Variants in SLC25A26 observed in about 807,000 individuals in gnomAD.
SLC25A26 encodes the protein solute carrier family 25 member 26, also known as mitochondrial S-adenosylmethionine carrier protein.
In SLC25A26, 36 loss-of-function variants were observed where a neutral mutation model predicts 37.8. The observed-to-expected ratio is 0.95, with a 90% CI of 0.73 to 1.26. SLC25A26 has a LOEUF of 1.26. Among genes scored for constraint, SLC25A26 ranks in the 50% most tolerant of loss-of-function variants. The pLI is 0.00. For synonymous variants in SLC25A26, 129 were observed against 122.5 expected, an observed-to-expected ratio of 1.05 and a Z score of -0.35; for missense variants, 390 against 331.1, an observed-to-expected ratio of 1.18 and a Z score of -1.38.
At position 66,357,940 on chromosome 3, in the gene SLC25A26, G is replaced by A. The variant is rs570304568; in HGVS notation, c.499-4920G>A. 2.0e-5 allele frequency among the ~76,000 whole-genome samples: 3 copies of A among 152,196 alleles called. No individual in the cohort carries two copies. The South Asian group carries it at 6.2e-4, about 32-fold the overall frequency. ...GAACTTGCCCCTCACCTGTTTTTGT[G>A]GAGAATAATATACTTCTCAACATTG... On this transcript the variant is annotated intron_variant, in intron 6 of 9. Coordinates refer to ENST00000354883, the MANE Select transcript of SLC25A26 (RefSeq NM_001379210.1).
At chr3:66,164,661 A>G (rs2070402054) in intron 1 of SLC25A26, among the ~76,000 whole-genome samples, 1 of 152,222 alleles carries the variant, frequency 6.6e-6, no homozygotes, top group South Asian at 2.1e-4. Context: ...CTTGTATGTA[A>G]TATATGATCT....
At position 66,180,065 on chromosome 3, in the gene SLC25A26, A is replaced by C. The variant is rs182385984; in HGVS notation, c.-353-40677A>C. 3.7e-4 allele frequency among the ~76,000 whole-genome samples: 56 copies of C among 152,140 alleles called. 2 individuals are homozygous for C. The East Asian group carries it at 0.011, about 29-fold the overall frequency. ...CTGGCTTCTGGCATCCAGGCAACAA[A>C]CTCCTCTTGCCTTTCTCTCTTTGCC... On this transcript the variant is annotated intron_variant, in intron 1 of 10. Transcript: ENST00000676754.
intron 1 of SLC25A26, among the ~76,000 whole-genome samples, chr3:66,139,739 TCA>T (rs751619146): frequency 2.6e-5 from 4 of 152,242 alleles, no homozygotes; most frequent in Non-Finnish European, 4.4e-5. Flanking sequence ...ATTAATGTAC[TCA>T]CAGTGTCATT....
At chr3:66,319,782 T>G (rs2075644001) in intron 5 of SLC25A26, among the ~76,000 whole-genome samples, 1 of 144,082 alleles carries the variant, frequency 6.9e-6, no homozygotes, top group Non-Finnish European at 1.5e-5. Flanking sequence ...AGATGAAGTT[T>G]CACTCTTGTT....
chr3:66,135,731 T>C (rs569131631), intron 1 of SLC25A26, among the ~76,000 whole-genome samples: 6 of 152,258 alleles, frequency 3.9e-5, no homozygotes, highest in Non-Finnish European at 7.4e-5. Flanking sequence ...ATGGCACCAC[T>C]GCACTCCAGC....
intron 1 of SLC25A26, among the ~76,000 whole-genome samples, chr3:66,142,661 C>T (rs2070053295): frequency 6.6e-6 from 1 of 152,182 alleles, no homozygotes; most frequent in African/African-American, 2.4e-5. Flanking sequence ...CATTTGTCAT[C>T]AAACCTAAGC....
chr3:66,191,944 A>G (rs958716695), intron 1 of SLC25A26, among the ~76,000 whole-genome samples: 3 of 151,918 alleles, frequency 2.0e-5, no homozygotes, highest in East Asian at 1.9e-4. Flanking sequence ...CTAACCCCCA[A>G]TCTGATGGTA....
intron 5 of SLC25A26, chr3:66,293,167 C>CTAAT (rs1174017715): frequency 6.6e-6 from 1 of 152,120 alleles, no homozygotes; most frequent in Non-Finnish European, 1.5e-5. Flanking sequence ...AGGGCCCATG[C>CTAAT]TAATCTTCTC....
intron 1 of SLC25A26, among the ~76,000 whole-genome samples, chr3:66,193,003 A>C (rs1479217742): frequency 1.3e-5 from 2 of 152,208 alleles, no homozygotes; most frequent in African/African-American, 4.8e-5. Context: ...GATAGTAATT[A>C]ACAAAGACAG....
At chr3:66,241,842 A>G (rs148967916) in intron 2 of SLC25A26, among the ~76,000 whole-genome samples, 2 of 152,038 alleles carry the variant, frequency 1.3e-5, no homozygotes, top group African/African-American at 2.4e-5. Flanking sequence ...CAAAGATGGA[A>G]AGAGGTGAAG....
At chr3:66,195,537 C>A (rs1056997772) in intron 1 of SLC25A26, among the ~76,000 whole-genome samples, 2,195 of 152,346 alleles carry the variant, frequency 0.014, 60 homozygotes, top group African/African-American at 0.045. Context: ...CAGATTCCCA[C>A]CACCTGTTCC....
intron 5 of SLC25A26, among the ~76,000 whole-genome samples, chr3:66,284,372 C>T (rs1254360164): frequency 6.6e-6 from 1 of 152,072 alleles, no homozygotes; most frequent in African/African-American, 2.4e-5. Flanking sequence ...GAACTCTAAT[C>T]CATTGCTATC....
At chr3:66,304,119 A>G (rs553283222) in intron 5 of SLC25A26, among the ~76,000 whole-genome samples, 88 of 152,322 alleles carry the variant, frequency 5.8e-4, no homozygotes, top group African/African-American at 1.9e-3. Context: ...ATCCACGATA[A>G]TTTCCCTCTT....
chr3:66,169,994 T>C (rs1236863170), intron 1 of SLC25A26, among the ~76,000 whole-genome samples: 4 of 152,186 alleles, frequency 2.6e-5, no homozygotes, highest in African/African-American at 9.7e-5. Flanking sequence ...GACTTGCTGC[T>C]AATCTAGACT....
intron 5 of SLC25A26, among the ~76,000 whole-genome samples, chr3:66,264,792 T>C (rs2073679392): frequency 6.6e-6 from 1 of 152,200 alleles, no homozygotes; most frequent in African/African-American, 2.4e-5. Context: ...CAGTGAGCCC[T>C]TGGCTTCTTG....
chr3:66,176,838 G>T (rs542167584), intron 1 of SLC25A26, among the ~76,000 whole-genome samples: 1 of 152,178 alleles, frequency 6.6e-6, no homozygotes, highest in Non-Finnish European at 1.5e-5. Flanking sequence ...GGGGTGAAAG[G>T]TGGTGAGATG....
intron 1 of SLC25A26, among the ~76,000 whole-genome samples, chr3:66,140,257 G>A (rs759318375): frequency 6.6e-6 from 1 of 152,174 alleles, no homozygotes; most frequent in Non-Finnish European, 1.5e-5. Flanking sequence ...TTTTGGATAT[G>A]CGCCTTTTCT....
chr3:66,262,365 C>T (rs2073564072), intron 4 of SLC25A26, among the ~76,000 whole-genome samples: 1 of 152,154 alleles, frequency 6.6e-6, no homozygotes, highest in Non-Finnish European at 1.5e-5. Context: ...CTGAGCATAA[C>T]ATTGAGTGTC....
rs551336223 is a variant in SLC25A26, at chr3:66,343,881, T to C, written c.454-2483T>C. ...TTTTGATAATTAATTGGAAATATAA[T>C]GCTTGAGTTTCAGAATGGATAATGT... On this transcript the variant is annotated intron_variant, in intron 5 of 9. Coordinates refer to ENST00000354883, the MANE Select transcript of SLC25A26 (RefSeq NM_001379210.1). 4.7e-4 allele frequency among the ~76,000 whole-genome samples: 72 copies of C among 152,334 alleles called. 1 individual carries two copies. Among genetic ancestry groups the C allele is most frequent in the Non-Finnish European group, 1.2e-4 (8 of 68,032 alleles).
Sources: allele counts gnomAD v4.1 joint callset (sites outside exome capture counted in the v4.1 genomes callset), GRCh38; gene constraint gnomAD v4.1.1; transcripts MANE v1.5; gene names NCBI Gene and HGNC (gene_info 2026-07-23, HGNC 2026-07-21).